The following GLP1R variants were observed in gnomAD, a reference collection of about 807,000 sequenced individuals.
The protein encoded by GLP1R is glucagon-like peptide 1 receptor.
A neutral mutation model predicts 68.4 loss-of-function variants in GLP1R; 32 were observed. That is an observed-to-expected ratio of 0.47 (90% CI 0.35 to 0.63). GLP1R has a LOEUF of 0.63. Among genes scored for constraint, GLP1R ranks in the 20% least tolerant of loss-of-function variants. The pLI is 0.00. For missense variants in GLP1R, 502 were observed against 594.9 expected (o/e 0.84, Z 1.62); for synonymous variants, 263 against 244.4 (o/e 1.08, Z -0.71).
chr6:39,085,811 G>A (rs1487818853), intron 12 of GLP1R, 95 bp from the exon 13 acceptor site: 4 of 1,140,250 alleles, frequency 3.5e-6, no homozygotes, highest in Non-Finnish European at 5.2e-6. Flanking sequence ...TAATGCAGTG[G>A]ATTTCTTCCC....
chr6:39,074,668 C>T (rs145857714), intron 7 of GLP1R, among the ~76,000 whole-genome samples: 28 of 152,236 alleles, frequency 1.8e-4, no homozygotes, highest in African/African-American at 4.6e-4. Context: ...GCCCCTGCCA[C>T]GGACCTCCGG....
intron 5 of GLP1R, among the ~76,000 whole-genome samples, chr6:39,069,550 G>A (rs569911978): frequency 1.9e-4 from 26 of 133,550 alleles, no homozygotes; most frequent in African/African-American, 4.5e-4. Context: ...GGAGAATGGC[G>A]TGAACCTGGG....
chr6:39,059,076 G>T (rs1018816935), intron 3 of GLP1R, among the ~76,000 whole-genome samples: 5 of 152,162 alleles, frequency 3.3e-5, no homozygotes, highest in African/African-American at 1.2e-4. Flanking sequence ...CTGTCTCCTT[G>T]TCCACACTCA....
rs1768483672 is a variant in GLP1R, at chr6:39,065,693, C to T, written c.284-18C>T. 6.6e-7 allele frequency: 1 copy of T among 1,510,696 alleles called. No individual in the cohort carries two copies. The highest frequency in any genetic ancestry group is 1.4e-5 in the African/African-American group (1 of 72,552). The allele number at this position is 1,510,696 out of a possible 1,614,324, so 93.6% of individuals were successfully genotyped here. ...CCTATTCTGGGCTGAGGCTCAGGGC[C>T]AGGTCTCCCCACCCCAGTGCCGCAG... On this transcript the variant is annotated intron_variant, in intron 3 of 12. Coordinates refer to ENST00000373256, the MANE Select transcript of GLP1R (RefSeq NM_002062.5).
At position 39,072,980 on chromosome 6, in the gene GLP1R, C is replaced by T. The variant is rs1768716584; in HGVS notation, c.628C>T (p.Gln210Ter). The T allele has an allele frequency of 6.2e-7, 1 of 1,614,026 alleles. No individual in the cohort carries two copies. ...GAAGTGGATGTATAGCACAGCCGCC[C>T]AGCAGCACCAGTGGGATGGGCTCCT... ...ALKWMYSTAA[Q>*]QHQWDGLLSY... Residue 210 changes from glutamine (Q) to a stop codon, truncating the protein, a stop_gained, in exon 6 of 13, where the codon CAG becomes TAG. Transcript: ENST00000373256. LOFTEE classifies it high-confidence loss of function.
In GLP1R at chr6:39,055,419, G is replaced by A. The variant is rs1002063581; in HGVS notation, c.79-978G>A. Among the ~76,000 whole-genome samples the A allele has an allele frequency of 3.9e-5, 6 of 152,222 alleles. No individual in the cohort carries two copies. In the South Asian group the frequency reaches 8.3e-4, roughly 21 times the overall value. ...TGTTCAGGAAAAAACTAAAAAGAAC[G>A]ACAACCCCAAGACATAGCTGAAGGA... On this transcript the variant is annotated intron_variant, in intron 1 of 12. Coordinates refer to ENST00000373256, the MANE Select transcript of GLP1R (RefSeq NM_002062.5).
At chr6:39,050,090 C>A (rs942373242) in intron 1 of GLP1R, among the ~76,000 whole-genome samples, 1 of 152,136 alleles carries the variant, frequency 6.6e-6, no homozygotes, top group African/African-American at 2.4e-5. Context: ...TTTTTCAGCC[C>A]CCAGATTATT....
rs199774152 is a variant in GLP1R, at chr6:39,079,108, G to A, written c.955-4G>A. ...CCCTGCCAATCCCCGGCCCCACCCC[G>A]CAGGTGAACTTCCTCATCTTTGTTC... On this transcript the variant is annotated splice_polypyrimidine_tract_variant and splice_region_variant and intron_variant, in intron 9 of 12. Transcript: ENST00000373256. This position sits in a 1 kb window ranked among gnomAD's most constrained non-coding sequence, Gnocchi z 4.5. The A allele has an allele frequency of 1.0e-4, 161 of 1,613,716 alleles. No homozygotes were observed. Among genetic ancestry groups the A allele is most frequent in the African/African-American group, 8.5e-4 (64 of 75,028 alleles).
intron 12 of GLP1R, among the ~76,000 whole-genome samples, chr6:39,084,343 G>C (rs1429829217): frequency 1.3e-5 from 2 of 152,226 alleles, no homozygotes; most frequent in African/African-American, 4.8e-5. Flanking sequence ...AGGGGTCACA[G>C]CAGAGGTTCA....
In GLP1R at chr6:39,079,420, C is replaced by A. The variant is rs1281719345; in HGVS notation, c.1044-144C>A. ...TTGACCTCTATTCTTTCCCTCCAGG[C>A]AGCCTGTCCCAGGGTATTTGGGGTG... On this transcript the variant is annotated intron_variant, in intron 10 of 12. Coordinates refer to ENST00000373256, the MANE Select transcript of GLP1R (RefSeq NM_002062.5). This position sits in a 1 kb window ranked among gnomAD's most constrained non-coding sequence, Gnocchi z 4.5. 3.3e-6 allele frequency: 3 copies of A among 897,250 alleles called. No homozygotes were observed. Among genetic ancestry groups the A allele is most frequent in the East Asian group, 5.2e-5 (2 of 38,700 alleles). The allele number at this position is 897,250 out of a possible 1,614,324, so 55.6% of individuals were successfully genotyped here. A position where few individuals can be genotyped will look rare whatever the true frequency, so the allele number is the denominator to read the frequency against.
chr6:39,051,096 G>C (rs1768076302), intron 1 of GLP1R, among the ~76,000 whole-genome samples: 1 of 152,154 alleles, frequency 6.6e-6, no homozygotes, highest in Admixed American at 6.5e-5. Context: ...CAATACCCTG[G>C]TGAGGGAGCG....
chr6:39,085,942 C>A lies in GLP1R; in HGVS notation c.1261C>A (p.Arg421=), dbSNP rs146868158. 1.9e-6 allele frequency: 3 copies of A among 1,613,902 alleles called. No individual in the cohort carries two copies. The South Asian group carries it at 3.3e-5, about 18-fold the overall frequency. ...LEFRKSWERW[R]LEHLHIQRDS... is the part of the protein sequence containing the mutation. The stretch of plus-strand genomic sequence containing the variant: ...ATTTCGGAAGAGCTGGGAGCGCTGG[C>A]GGCTTGAGCACTTGCACATCCAGAG... The change falls in exon 13 of 13, where the codon CGG becomes AGG. Residue 421 remains arginine (R), a synonymous_variant. Transcript: ENST00000373256.
At chr6:39,057,173 T>G (rs1019645552) in intron 2 of GLP1R, among the ~76,000 whole-genome samples, 3 of 152,208 alleles carry the variant, frequency 2.0e-5, no homozygotes, top group African/African-American at 7.2e-5. Context: ...CGTACTATGT[T>G]CCATTATCTA....
chr6:39,078,088 G>A (rs1281713167), intron 7 of GLP1R, among the ~76,000 whole-genome samples: 5 of 152,192 alleles, frequency 3.3e-5, no homozygotes, highest in African/African-American at 1.2e-4. Flanking sequence ...AGGAGGTGGG[G>A]GACTGATGAC....
rs1769265533 is a variant in GLP1R, at chr6:39,090,955, C to T, written c.*4882C>T. On this transcript the variant is annotated 3_prime_UTR_variant, in exon 13 of 13. Transcript: ENST00000373256. Reference sequence around the variant, plus strand: ...CCAAACCTGCAGTTCTAAGCTACTCCACTAAAATAATCATCCCATCCTCAA... The same window carrying T: ...CCAAACCTGCAGTTCTAAGCTACTCTACTAAAATAATCATCCCATCCTCAA... Among the ~76,000 whole-genome samples, 2 of 152,136 alleles carry T rather than the reference C, an allele frequency of 1.3e-5. No homozygotes were observed. The highest frequency in any genetic ancestry group is 1.3e-4 in the Admixed American group (2 of 15,280).
intron 1 of GLP1R, 114 bp from the exon 2 acceptor site, chr6:39,056,283 A>G: frequency 3.4e-6 from 2 of 594,294 alleles, no homozygotes; most frequent in South Asian, 4.3e-5. Flanking sequence ...TGCCTGGCAG[A>G]ATTTGGGGCT....
chr6:39,070,656 T>C (rs1768637174), intron 5 of GLP1R, among the ~76,000 whole-genome samples: 1 of 152,258 alleles, frequency 6.6e-6, no homozygotes, highest in Admixed American at 6.5e-5. Flanking sequence ...CTGAAGTATG[T>C]GAAATTGCCT....
chr6:39,058,348 G>A (rs1031419776), intron 3 of GLP1R, among the ~76,000 whole-genome samples: 2 of 152,134 alleles, frequency 1.3e-5, no homozygotes, highest in African/African-American at 4.8e-5. Flanking sequence ...CATTGGTGGG[G>A]TGACGAACCC....
In GLP1R at chr6:39,065,779, C is replaced by G. The variant is rs200053872; in HGVS notation, c.352C>G (p.Leu118Val). The change falls in exon 4 of 13, where the codon CTG (leucine) becomes GTG (valine). Residue 118 changes from leucine to valine, a missense_variant. Transcript: ENST00000373256. ...CTGGCTGCAGAAGGACAACTCCAGC[C>G]TGCCCTGGAGGGACTTGTCGGAGTG... Reference protein sequence around the residue: ...GLWLQKDNSSLPWRDLSECEE... With the variant: ...GLWLQKDNSSVPWRDLSECEE... 4.3e-5 allele frequency: 68 copies of G among 1,597,914 alleles called. No individual in the cohort carries two copies. Among genetic ancestry groups the G allele is most frequent in the Non-Finnish European group, 5.6e-5 (66 of 1,172,322 alleles).
Sources: gnomAD v4.1 joint callset for allele counts (sites outside exome capture counted in the v4.1 genomes callset) on GRCh38, gnomAD v4.1.1 for gene constraint, Gnocchi (gnomAD v3.1) non-coding constraint, MANE v1.5 for transcripts, NCBI Gene and HGNC (gene_info 2026-07-23, HGNC 2026-07-21) for gene names.